The following VPS41 variants were observed in gnomAD, a reference collection of about 807,000 sequenced individuals.
The protein encoded by VPS41 is VPS41 subunit of HOPS complex.
A neutral mutation model predicts 130.9 loss-of-function variants in VPS41; 85 were observed. The observed-to-expected ratio is 0.65, with a 90% CI of 0.55 to 0.78. VPS41 has a LOEUF of 0.78. VPS41 is among the 30% of genes least tolerant of loss of function. The probability of loss-of-function intolerance (pLI) is 0.00; values close to 1 mark genes in which losing one functional copy is unlikely to be tolerated. For synonymous variants in VPS41, 335 were observed against 332.9 expected, an observed-to-expected ratio of 1.01 and a Z score of -0.07; for missense variants, 874 against 1,018.7, an observed-to-expected ratio of 0.86 and a Z score of 1.93.
chr7:38,798,437 C>A (rs192562316), intron 7 of VPS41, among the ~76,000 whole-genome samples: 1 of 152,104 alleles, frequency 6.6e-6, no homozygotes, highest in Non-Finnish European at 1.5e-5. Context: ...GGATTACAGG[C>A]ATGCACCACC....
At chr7:38,874,105 A>G (rs556475401) in intron 2 of VPS41, among the ~76,000 whole-genome samples, 1 of 152,346 alleles carries the variant, frequency 6.6e-6, no homozygotes, top group South Asian at 2.1e-4. Context: ...ATAATTGTGC[A>G]GAATGGGTTC....
chr7:38,754,908 T>C lies in VPS41; in HGVS notation c.1724A>G (p.Glu575Gly), dbSNP rs763914457. 4 of 1,613,570 alleles carry C rather than the reference T, an allele frequency of 2.5e-6. No individual in the cohort carries two copies. The East Asian group carries it at 6.7e-5, about 27-fold the overall frequency. The change falls in exon 20 of 29, where the codon GAA becomes GGA. Residue 575 changes from glutamate to glycine, a missense_variant. Glu to Gly is a moderately conservative substitution (Grantham distance 98). Coordinates refer to ENST00000310301, the MANE Select transcript of VPS41 (RefSeq NM_014396.4). The stretch of plus-strand genomic sequence containing the variant: ...AATGACACTCACTGAAATTTTATCT[T>C]CATTGTCCAAAAGCATGTCAACAGC... ...EKAVDMLLDN[E>G]DKISIKKVVE...
At chr7:38,806,940 G>A (rs1784849860) in intron 7 of VPS41, among the ~76,000 whole-genome samples, 1 of 152,144 alleles carries the variant, frequency 6.6e-6, no homozygotes, top group African/African-American at 2.4e-5. Context: ...TGAAGGACCA[G>A]GACAGAAGCA....
intron 5 of VPS41, among the ~76,000 whole-genome samples, chr7:38,828,240 A>AAC (rs144116233): frequency 7.4e-4 from 111 of 150,586 alleles, no homozygotes; most frequent in South Asian, 3.1e-3. Flanking sequence ...ACTGAAACTG[A>AAC]ACACACACAC....
chr7:38,755,109 G>A (rs1212136594), intron 19 of VPS41, among the ~76,000 whole-genome samples, 173 bp from the exon 20 acceptor site: 1 of 152,174 alleles, frequency 6.6e-6, no homozygotes. Context: ...GTGAAGAACT[G>A]CATTTTCAAA....
chr7:38,733,335 A>AT (rs1240066765), intron 25 of VPS41, among the ~76,000 whole-genome samples: 1 of 152,156 alleles, frequency 6.6e-6, no homozygotes, highest in Non-Finnish European at 1.5e-5. Flanking sequence ...ATAAACTCGT[A>AT]TTCTTTGTTT....
chr7:38,755,035 G>A (rs1783761691), intron 19 of VPS41, 99 bp from the exon 20 acceptor site: 1 of 1,106,096 alleles, frequency 9.0e-7, no homozygotes, highest in Non-Finnish European at 1.3e-6. Flanking sequence ...ACAGGTGGAA[G>A]GCTTATTTTG....
At chr7:38,895,937 T>C (rs1291608928) in intron 2 of VPS41, among the ~76,000 whole-genome samples, 1 of 152,204 alleles carries the variant, frequency 6.6e-6, no homozygotes, top group Non-Finnish European at 1.5e-5. Flanking sequence ...GTCTCAGCTG[T>C]ACTCTCTTTA....
chr7:38,789,413 A>G (rs1287359952), intron 10 of VPS41, among the ~76,000 whole-genome samples: 1 of 152,076 alleles, frequency 6.6e-6, no homozygotes, highest in Non-Finnish European at 1.5e-5. Flanking sequence ...CACTCTAGCC[A>G]AATACTGTGC....
At chr7:38,778,976 T>C (rs1001487693) in intron 10 of VPS41, among the ~76,000 whole-genome samples, 3 of 152,174 alleles carry the variant, frequency 2.0e-5, no homozygotes, top group Non-Finnish European at 4.4e-5. Context: ...CAGTCCACAA[T>C]AGCTTGTATG....
chr7:38,875,398 G>C (rs1315063376), intron 2 of VPS41, among the ~76,000 whole-genome samples: 1 of 152,070 alleles, frequency 6.6e-6, no homozygotes, highest in Admixed American at 6.5e-5. Context: ...AGTTCAAAAT[G>C]AATCAAAAAG....
At chr7:38,838,298 T>G (rs904890254) in intron 4 of VPS41, among the ~76,000 whole-genome samples, 6 of 152,086 alleles carry the variant, frequency 3.9e-5, no homozygotes, top group Non-Finnish European at 7.4e-5. Flanking sequence ...GAGGGAAACC[T>G]TCTAGTACAG....
At chr7:38,762,558 CA>C (rs1783944134) in intron 17 of VPS41, among the ~76,000 whole-genome samples, 1 of 152,110 alleles carries the variant, frequency 6.6e-6, no homozygotes, top group African/African-American at 2.4e-5. Flanking sequence ...AAAAAATTGA[CA>C]AGTCAATATT....
chr7:38,856,633 G>A (rs1410801424), intron 4 of VPS41, among the ~76,000 whole-genome samples: 2 of 152,128 alleles, frequency 1.3e-5, no homozygotes, highest in East Asian at 3.9e-4. Flanking sequence ...GAAGAGGAGA[G>A]AAGTATACCA....
At chr7:38,834,854 GA>G (rs1002666138) in intron 4 of VPS41, among the ~76,000 whole-genome samples, 24 of 146,644 alleles carry the variant, frequency 1.6e-4, no homozygotes, top group Non-Finnish European at 7.5e-5. Context: ...TATTTTCCAA[GA>G]AAAAAAAATA....
At chr7:38,799,660 C>T (rs528375106) in intron 7 of VPS41, among the ~76,000 whole-genome samples, 1 of 151,698 alleles carries the variant, frequency 6.6e-6, no homozygotes, top group East Asian at 1.9e-4. Context: ...TAATGCAAGT[C>T]CAAAAAAATC....
intron 4 of VPS41, among the ~76,000 whole-genome samples, chr7:38,858,210 C>T (rs1786027101): frequency 6.6e-6 from 1 of 152,174 alleles, no homozygotes; most frequent in South Asian, 2.1e-4. Context: ...GACAGCTTTG[C>T]ACAGCTATTT....
At chr7:38,797,510 A>G (rs1784644659) in intron 7 of VPS41, among the ~76,000 whole-genome samples, 1 of 152,236 alleles carries the variant, frequency 6.6e-6, no homozygotes, top group South Asian at 2.1e-4. Flanking sequence ...ATTAATAAAG[A>G]TGTAATTCTA....
intron 4 of VPS41, among the ~76,000 whole-genome samples, chr7:38,851,134 G>T (rs552140045): frequency 4.7e-4 from 72 of 152,146 alleles, no homozygotes; most frequent in Non-Finnish European, 7.8e-4. Flanking sequence ...GTTGGTTCCT[G>T]GGCAACTTAA....
Sources: gnomAD v4.1 joint callset for allele counts (sites outside exome capture counted in the v4.1 genomes callset) on GRCh38, gnomAD v4.1.1 for gene constraint, MANE v1.5 for transcripts, NCBI Gene and HGNC (gene_info 2026-07-23, HGNC 2026-07-21) for gene names.